Variants in HDAC9 observed in about 807,000 individuals in gnomAD.
The protein encoded by HDAC9 is MEF-2 interacting transcription repressor (MITR) protein.
A neutral mutation model predicts 139.4 loss-of-function variants in HDAC9; 41 were observed. That is an observed-to-expected ratio of 0.29 (90% CI 0.23 to 0.38). HDAC9 has a LOEUF of 0.38. HDAC9 is among the 10% of genes least tolerant of loss of function. The pLI, the probability that HDAC9 is intolerant of heterozygous loss-of-function variation, is 1.00. For missense variants in HDAC9, 1,147 were observed against 1,297.0 expected, an observed-to-expected ratio of 0.88 and a Z score of 1.78; for synonymous variants, 517 against 476.2, an observed-to-expected ratio of 1.09 and a Z score of -1.12.
intron 24 of HDAC9, among the ~76,000 whole-genome samples, chr7:18,960,009 AAC>A (rs58030908): frequency 0.017 from 2,587 of 148,990 alleles, 31 homozygotes; most frequent in Middle Eastern, 0.042. Context: ...TGTTGTTTTA[AAC>A]ACACACACAC....
chr7:18,306,656 T>C (rs1374088974), intron 1 of HDAC9, among the ~76,000 whole-genome samples: 1 of 152,210 alleles, frequency 6.6e-6, no homozygotes, highest in Non-Finnish European at 1.5e-5. Flanking sequence ...CGCCTTTTGA[T>C]CCAGGCATTT....
rs1416965323 is a variant in HDAC9 at position 18,976,102 on chromosome 7, C to A, written c.3170+149C>A. The A allele has an allele frequency of 1.8e-5, 13 of 729,214 alleles. No individual in the cohort carries two copies. In the East Asian group the frequency reaches 3.3e-4, roughly 18 times the overall value. The allele number at this position is 729,214 out of a possible 1,614,324, so 45.2% of individuals were successfully genotyped here. ...AAAGCCACAGATGCCACAGCACATG[C>A]TTTAGGCTATCGAGAATTCATTGCT... is the stretch of plus-strand genomic sequence containing the variant. On this transcript the variant is annotated intron_variant, in intron 25 of 25. Transcript: ENST00000686413.
chr7:18,403,822 T>C (rs914085958), intron 1 of HDAC9, among the ~76,000 whole-genome samples: 5 of 152,292 alleles, frequency 3.3e-5, no homozygotes, highest in African/African-American at 9.6e-5. Context: ...TTAAGACATA[T>C]TGTAAACATT....
intron 2 of HDAC9, among the ~76,000 whole-genome samples, chr7:18,536,756 G>A (rs1187459362): frequency 6.6e-6 from 1 of 152,092 alleles, no homozygotes; most frequent in Non-Finnish European, 1.5e-5. Flanking sequence ...GGAAATAGGA[G>A]ATTATTAACT....
intron 22 of HDAC9, among the ~76,000 whole-genome samples, chr7:18,918,586 C>T (rs1719478918): frequency 6.6e-6 from 1 of 152,020 alleles, no homozygotes; most frequent in South Asian, 2.1e-4. Flanking sequence ...AAAATAACCA[C>T]AGTCTTACTA....
At chr7:18,286,063 A>C (rs1216299118), upstream of HDAC9, among the ~76,000 whole-genome samples, 1 of 151,934 alleles carries the variant, frequency 6.6e-6, no homozygotes, top group Non-Finnish European at 1.5e-5. Context: ...CAAAATTGAA[A>C]GATACAATTG....
chr7:18,276,499 C>T (rs918187096), intron 2 of HDAC9, among the ~76,000 whole-genome samples: 2 of 152,104 alleles, frequency 1.3e-5, no homozygotes, highest in Non-Finnish European at 2.9e-5. Flanking sequence ...TTAAGTGTGG[C>T]ACTCGAGTTT....
chr7:18,881,858 A>G (rs547359036), intron 22 of HDAC9, among the ~76,000 whole-genome samples: 2 of 152,128 alleles, frequency 1.3e-5, no homozygotes, highest in Non-Finnish European at 2.9e-5. Context: ...ACATGTATGG[A>G]GAAAAGGAGT....
Position 18,452,110 on chromosome 7 carries a change from G to A in HDAC9, c.-41-44152G>A, listed in dbSNP as rs375307096. Among the ~76,000 whole-genome samples the A allele has an allele frequency of 2.0e-3, 298 of 152,140 alleles. 1 individual carries two copies. Among genetic ancestry groups the A allele is most frequent in the African/African-American group, 5.9e-3 (245 of 41,516 alleles). ...TTAGCAGCCTTGAGATGCTAGCCAG[G>A]GCAGTTTGAGTGGCCATTGGGCAGA... On this transcript the variant is annotated intron_variant, in intron 1 of 3. Coordinates refer to the HDAC9 transcript ENST00000413509.
chr7:18,955,295 T>C (rs747139549), intron 24 of HDAC9, among the ~76,000 whole-genome samples: 1 of 152,094 alleles, frequency 6.6e-6, no homozygotes. Context: ...TGTCCTGTCT[T>C]TGTCTTGTTT....
chr7:18,980,786 C>A (rs1585470809), intron 25 of HDAC9, among the ~76,000 whole-genome samples: 1 of 141,122 alleles, frequency 7.1e-6, no homozygotes, highest in East Asian at 2.0e-4. Context: ...TCCTCTTCTT[C>A]TTCTTCCTTC....
intron 23 of HDAC9, among the ~76,000 whole-genome samples, chr7:18,951,415 G>C (rs542538850): frequency 7.2e-5 from 11 of 151,990 alleles, no homozygotes; most frequent in Admixed American, 5.9e-4. Flanking sequence ...AGCTGGATGA[G>C]AGCTTTAAGT....
chr7:18,646,638 A>G (rs1016912355), intron 9 of HDAC9, among the ~76,000 whole-genome samples: 1 of 152,118 alleles, frequency 6.6e-6, no homozygotes, highest in African/African-American at 2.4e-5. Context: ...CAGTTTCTCC[A>G]TTGCTGAAAA....
At chr7:18,151,279 C>G (rs1389325453) in intron 1 of HDAC9, among the ~76,000 whole-genome samples, 1 of 152,168 alleles carries the variant, frequency 6.6e-6, no homozygotes, top group East Asian at 1.9e-4. Context: ...AGTTCTGACA[C>G]TGTAATTATA....
chr7:18,354,850 C>A (rs990599829), intron 1 of HDAC9, among the ~76,000 whole-genome samples: 1 of 152,078 alleles, frequency 6.6e-6, no homozygotes, highest in Non-Finnish European at 1.5e-5. Flanking sequence ...GTCAACACAT[C>A]GGGGCACGTA....
chr7:18,116,852 C>T (rs1784025174), intron 1 of HDAC9, among the ~76,000 whole-genome samples: 1 of 152,154 alleles, frequency 6.6e-6, no homozygotes, highest in Non-Finnish European at 1.5e-5. Context: ...GGCATTGACT[C>T]AGACTAAATA....
At chr7:18,957,394 C>A (rs1783227432) in intron 24 of HDAC9, among the ~76,000 whole-genome samples, 1 of 152,098 alleles carries the variant, frequency 6.6e-6, no homozygotes, top group Non-Finnish European at 1.5e-5. Flanking sequence ...TATGGGCTCC[C>A]TGATTAGTAA....
intron 13 of HDAC9, among the ~76,000 whole-genome samples, chr7:18,745,531 CTTTTTTT>C (rs565092002): frequency 1.1e-5 from 1 of 90,484 alleles, no homozygotes; most frequent in Admixed American, 1.3e-4. Flanking sequence ...ACTCTCTACT[CTTTTTTT>C]TTTTTTTTTT....
At chr7:18,362,296 T>C (rs1354526191) in intron 1 of HDAC9, among the ~76,000 whole-genome samples, 3 of 152,230 alleles carry the variant, frequency 2.0e-5, no homozygotes, top group African/African-American at 7.2e-5. Context: ...GCTTATGTGT[T>C]GCAAACCTAA....
Sources: gnomAD v4.1 joint callset for allele counts (sites outside exome capture counted in the v4.1 genomes callset) on GRCh38, gnomAD v4.1.1 for gene constraint, MANE v1.5 for transcripts, NCBI Gene and HGNC (gene_info 2026-07-23, HGNC 2026-07-21) for gene names.